Variants in PRRX2 observed in about 807,000 individuals in gnomAD.
The protein encoded by PRRX2 is paired related homeobox 2.
Under a neutral mutation model 18.0 loss-of-function variants are expected in PRRX2, and 11 were observed. The ratio of observed to expected loss-of-function variants is 0.61; its 90% CI spans 0.39 to 1.01. PRRX2 has a LOEUF of 1.01. PRRX2 is among the 50% of genes least tolerant of loss of function. The probability of loss-of-function intolerance (pLI) is 0.01; values close to 1 mark genes in which losing one functional copy is unlikely to be tolerated. For synonymous variants in PRRX2, 177 were observed against 154.8 expected, an observed-to-expected ratio of 1.14 and a Z score of -1.06; for missense variants, 387 against 351.0, an observed-to-expected ratio of 1.10 and a Z score of -0.82.
rs151227413 is a variant in PRRX2 at position 129,706,577 on chromosome 9, A to T, written c.260-12654A>T. Among the ~76,000 whole-genome samples the T allele has an allele frequency of 5.3e-3, 798 of 151,804 alleles. 7 individuals carry two copies. The highest frequency in any genetic ancestry group is 0.018 in the African/African-American group (743 of 41,386). ...AACTCCATCTCAAAAAAAAAAAAATAATTATTTGAGCATGGTGGCGCATGC... is the reference window on the plus strand; with the variant it reads ...AACTCCATCTCAAAAAAAAAAAAATTATTATTTGAGCATGGTGGCGCATGC... On this transcript the variant is annotated intron_variant, in intron 1 of 3. Transcript: ENST00000372469.
intron 1 of PRRX2, 90 bp downstream of exon 1, chr9:129,666,216 G>A: frequency 1.1e-6 from 1 of 937,886 alleles, no homozygotes. Context: ...CGCGGGGCGG[G>A]CGAAGATGCA....
At chr9:129,690,733 C>T (rs543341435) in intron 1 of PRRX2, among the ~76,000 whole-genome samples, 3 of 151,660 alleles carry the variant, frequency 2.0e-5, no homozygotes, top group Non-Finnish European at 4.4e-5. Context: ...GTCTTGAACT[C>T]CTGACCTCAT....
At chr9:129,698,278 G>GGCC (rs1832453477) in intron 1 of PRRX2, among the ~76,000 whole-genome samples, 2 of 115,960 alleles carry the variant, frequency 1.7e-5, no homozygotes, top group Non-Finnish European at 3.7e-5. Context: ...GGGGGCGGGG[G>GGCC]CACTTAGGCT....
At chr9:129,670,108 C>G (rs1010363515) in intron 1 of PRRX2, among the ~76,000 whole-genome samples, 32 of 149,384 alleles carry the variant, frequency 2.1e-4, no homozygotes, top group African/African-American at 6.9e-4. Flanking sequence ...GTTCTGTGAC[C>G]GTCTTATTTC....
chr9:129,705,637 G>A lies in PRRX2; in HGVS notation c.260-13594G>A, dbSNP rs112879310. On this transcript the variant is annotated intron_variant, in intron 1 of 3. Transcript: ENST00000372469. Reference sequence around the variant, plus strand: ...CCCAAAGTGCTGGGATTACAAGCACGAGCCACTGTGCCTGGCCCTGAAGAC... The same window carrying A: ...CCCAAAGTGCTGGGATTACAAGCACAAGCCACTGTGCCTGGCCCTGAAGAC... 1.7e-3 allele frequency among the ~76,000 whole-genome samples: 262 copies of A among 150,908 alleles called. 1 individual carries two copies. Among genetic ancestry groups the A allele is most frequent in the African/African-American group, 5.9e-3 (242 of 41,230 alleles).
At chr9:129,713,482 G>A (rs533914378) in intron 1 of PRRX2, among the ~76,000 whole-genome samples, 12 of 152,242 alleles carry the variant, frequency 7.9e-5, no homozygotes, top group Non-Finnish European at 1.8e-4. Context: ...CCACCCATGG[G>A]ATCAGAGAGC....
chr9:129,702,354 C>T (rs986920624), intron 1 of PRRX2, among the ~76,000 whole-genome samples: 9 of 151,308 alleles, frequency 5.9e-5, no homozygotes, highest in African/African-American at 1.9e-4. Context: ...GCAGAGATCG[C>T]GCTACTGCAC....
chr9:129,674,812 T>C (rs1832144250), intron 1 of PRRX2, among the ~76,000 whole-genome samples: 1 of 152,144 alleles, frequency 6.6e-6, no homozygotes, highest in African/African-American at 2.4e-5. Context: ...CGTGTCCCCA[T>C]CTGCAAGACA....
chr9:129,711,687 G>A (rs1250073858), intron 1 of PRRX2, among the ~76,000 whole-genome samples: 20 of 152,068 alleles, frequency 1.3e-4, no homozygotes, highest in Admixed American at 1.3e-3. Flanking sequence ...GGGATTACAG[G>A]CATGAGCCAC....
At chr9:129,707,653 C>T (rs1056067551) in intron 1 of PRRX2, among the ~76,000 whole-genome samples, 1 of 151,658 alleles carries the variant, frequency 6.6e-6, no homozygotes, top group Non-Finnish European at 1.5e-5. Context: ...TAACCCGGTA[C>T]GGTGATGTGC....
At chr9:129,678,891 T>C (rs1375107390) in intron 1 of PRRX2, among the ~76,000 whole-genome samples, 2 of 152,188 alleles carry the variant, frequency 1.3e-5, no homozygotes, top group African/African-American at 4.8e-5. Flanking sequence ...CTCGCTGGGC[T>C]GCCCCAGTCT....
intron 1 of PRRX2, among the ~76,000 whole-genome samples, chr9:129,683,206 C>T (rs1253332305): frequency 6.6e-6 from 1 of 152,188 alleles, no homozygotes; most frequent in Non-Finnish European, 1.5e-5. Context: ...TCCTGGGACT[C>T]CCTTCATAAC....
At chr9:129,690,033 G>C (rs1832342391) in intron 1 of PRRX2, among the ~76,000 whole-genome samples, 2 of 151,958 alleles carry the variant, frequency 1.3e-5, no homozygotes, top group African/African-American at 4.8e-5. Flanking sequence ...TCACAGGCGT[G>C]AGCCACCGCG....
chr9:129,668,744 A>G (rs1299465236), intron 1 of PRRX2, among the ~76,000 whole-genome samples: 2 of 143,530 alleles, frequency 1.4e-5, no homozygotes, highest in Non-Finnish European at 3.0e-5. Context: ...ACCACTGCAC[A>G]CTCCAGCCTG....
chr9:129,710,548 A>G (rs1263362810), intron 1 of PRRX2, among the ~76,000 whole-genome samples: 3 of 152,180 alleles, frequency 2.0e-5, no homozygotes, highest in Non-Finnish European at 4.4e-5. Flanking sequence ...CCTGGCCAAC[A>G]TGGTGAAACC....
At chr9:129,697,598 T>G (rs1298308185) in intron 1 of PRRX2, among the ~76,000 whole-genome samples, 3 of 151,538 alleles carry the variant, frequency 2.0e-5, no homozygotes, top group Non-Finnish European at 3.0e-5. Flanking sequence ...GCGCCGGCCC[T>G]GGCATCCCCT....
chr9:129,679,545 A>C (rs562557777), intron 1 of PRRX2, among the ~76,000 whole-genome samples: 2 of 152,324 alleles, frequency 1.3e-5, no homozygotes, highest in East Asian at 1.9e-4. Flanking sequence ...GCCAAGTTAC[A>C]CAGTAAGTAC....
At chr9:129,678,938 C>T (rs987336830) in intron 1 of PRRX2, among the ~76,000 whole-genome samples, 31 of 152,216 alleles carry the variant, frequency 2.0e-4, no homozygotes, top group African/African-American at 7.0e-4. Flanking sequence ...ACTGGCTGCC[C>T]CTGGCCCAGC....
At chr9:129,716,204 C>G (rs1003760546) in intron 1 of PRRX2, among the ~76,000 whole-genome samples, 1 of 152,156 alleles carries the variant, frequency 6.6e-6, no homozygotes, top group African/African-American at 2.4e-5. Context: ...TAAATATACA[C>G]TGGCAAAAAT....
Sources: gnomAD v4.1 joint callset for allele counts (sites outside exome capture counted in the v4.1 genomes callset) on GRCh38, gnomAD v4.1.1 for gene constraint, MANE v1.5 for transcripts, NCBI Gene and HGNC (gene_info 2026-07-23, HGNC 2026-07-21) for gene names.